Variants in MAP3K8 observed in about 807,000 individuals in gnomAD.
MAP3K8 encodes the protein Ewing sarcoma transformant.
MAP3K8 carries 22 observed loss-of-function variants against 45.8 expected under a neutral mutation model. The ratio of observed to expected loss-of-function variants is 0.48; its 90% CI spans 0.34 to 0.69. MAP3K8 has a LOEUF of 0.69. MAP3K8 is among the 30% of genes least tolerant of loss of function. The pLI, the probability that MAP3K8 is intolerant of heterozygous loss-of-function variation, is 0.01. For synonymous variants in MAP3K8, 223 were observed against 214.3 expected, an observed-to-expected ratio of 1.04 and a Z score of -0.36; for missense variants, 419 against 585.0, an observed-to-expected ratio of 0.72 and a Z score of 2.93.
At chr10:30,456,042 G>C (rs1215990795) in intron 6 of MAP3K8, among the ~76,000 whole-genome samples, 1 of 152,208 alleles carries the variant, frequency 6.6e-6, no homozygotes, top group African/African-American at 2.4e-5. Flanking sequence ...AACCTGCAGA[G>C]CCACCTCTGC....
In MAP3K8 at chr10:30,450,539, T is replaced by C. The variant is rs760080224; in HGVS notation, c.766+20T>C. ...TTAAACGTAAGTATCTTTGGACATA[T>C]ACCTTTTTGGCTCAAAGAGACTAGT... On this transcript the variant is annotated intron_variant, in intron 5 of 8. Transcript: ENST00000263056. 9 of 1,611,790 alleles carry C rather than the reference T, an allele frequency of 5.6e-6. No individual in the cohort carries two copies. Among genetic ancestry groups the C allele is most frequent in the Admixed American group, 3.3e-5 (2 of 59,948 alleles).
intron 6 of MAP3K8, among the ~76,000 whole-genome samples, chr10:30,454,762 T>TTG (rs1836681697): frequency 6.6e-6 from 1 of 152,118 alleles, no homozygotes; most frequent in Non-Finnish European, 1.5e-5. Flanking sequence ...TTTTTTTTTT[T>TTG]TTTAAGAATG....
At position 30,447,829 on chromosome 10, in the gene MAP3K8, C is replaced by G. The variant is rs375673139; in HGVS notation, c.384C>G (p.Leu128=). The G allele has an allele frequency of 1.5e-5, 25 of 1,613,734 alleles. No homozygotes were observed. The East Asian group carries it at 2.0e-4, about 13-fold the overall frequency. ...GTTACCAAATAGATTCCGATGTTCT[C>G]CTGATCCCCTGGAAGCTGACTTACA... ...NGRYQIDSDV[L]LIPWKLTYRN... Residue 128 remains leucine, a synonymous_variant, in exon 4 of 9, where the codon CTC becomes CTG. Coordinates refer to ENST00000263056, the MANE Select transcript of MAP3K8 (RefSeq NM_005204.4).
intron 3 of MAP3K8, among the ~76,000 whole-genome samples, chr10:30,445,895 G>A (rs899366330): frequency 1.3e-5 from 2 of 152,190 alleles, no homozygotes; most frequent in African/African-American, 4.8e-5. Flanking sequence ...ATTAGCAGTG[G>A]TGGAGCTGAC....
At chr10:30,458,275 G>GT (rs1554774894) in intron 7 of MAP3K8, 39 bp downstream of exon 7, 2 of 1,356,006 alleles carry the variant, frequency 1.5e-6, no homozygotes, top group East Asian at 5.5e-5. Context: ...CGGCGGGGGG[G>GT]GGCGTTGAGT....
intron 2 of MAP3K8, among the ~76,000 whole-genome samples, chr10:30,437,616 C>T (rs889940256): frequency 2.6e-5 from 4 of 152,160 alleles, no homozygotes; most frequent in Admixed American, 2.6e-4. Context: ...AGAAAATGAC[C>T]ATCAAGTAAG....
At position 30,434,352 on chromosome 10, in the gene MAP3K8, G is replaced by A; in HGVS notation, c.-281G>A. On this transcript the variant is annotated 5_prime_UTR_variant, in exon 1 of 9. Coordinates refer to ENST00000263056, the MANE Select transcript of MAP3K8 (RefSeq NM_005204.4). ...CGGGGGGCCGCGGCTGGAGCGCTCGGCCGGCGTGGGAGCGCCAAGGCCGCA... is the reference window on the plus strand; with the variant it reads ...CGGGGGGCCGCGGCTGGAGCGCTCGACCGGCGTGGGAGCGCCAAGGCCGCA... 1 of 716,312 alleles carries A rather than the reference G, an allele frequency of 1.4e-6. No individual in the cohort carries two copies. Among genetic ancestry groups the A allele is most frequent in the South Asian group, 6.2e-5 (1 of 16,012 alleles). 44.4% of individuals were successfully genotyped at this position (716,312 alleles called of 1,614,324 possible). A position where few individuals can be genotyped will look rare whatever the true frequency, so the allele number is the denominator to read the frequency against.
intron 1 of MAP3K8, among the ~76,000 whole-genome samples, chr10:30,436,649 A>G (rs57225568): frequency 6.6e-6 from 1 of 151,844 alleles, no homozygotes; most frequent in Non-Finnish European, 1.5e-5. Context: ...AAAACCCCCC[A>G]ATTAAAAAAA....
intron 6 of MAP3K8, among the ~76,000 whole-genome samples, chr10:30,454,816 C>G (rs1836683250): frequency 6.6e-6 from 1 of 150,932 alleles, no homozygotes. Flanking sequence ...AGTGTGAGGT[C>G]TAATAAGACT....
chr10:30,460,590 C>G (rs977866405), intron 8 of MAP3K8, 116 bp from the exon 9 acceptor site: 8 of 790,090 alleles, frequency 1.0e-5, no homozygotes, highest in Non-Finnish European at 1.6e-5. Context: ...ACCCATCTTT[C>G]ACGCTTAAGA....
intron 5 of MAP3K8, among the ~76,000 whole-genome samples, chr10:30,451,164 T>A (rs1423659193): frequency 6.7e-6 from 1 of 149,792 alleles, no homozygotes; most frequent in Admixed American, 6.7e-5. Context: ...GAGAAACAAA[T>A]ACCTTTTTCA....
chr10:30,441,243 G>A (rs1588768262), intron 3 of MAP3K8, among the ~76,000 whole-genome samples: 4 of 151,214 alleles, frequency 2.6e-5, no homozygotes, highest in East Asian at 3.9e-4. Context: ...TGCAATCTCC[G>A]CCTCATGGGT....
chr10:30,442,924 C>T (rs564721547), intron 3 of MAP3K8, among the ~76,000 whole-genome samples: 5 of 152,246 alleles, frequency 3.3e-5, no homozygotes, highest in African/African-American at 1.2e-4. Flanking sequence ...TCATCATCTC[C>T]AATAATTGGT....
intron 3 of MAP3K8, among the ~76,000 whole-genome samples, chr10:30,441,079 A>C (rs1307060618): frequency 6.6e-6 from 1 of 152,222 alleles, no homozygotes; most frequent in African/African-American, 2.4e-5. Context: ...TGTATCAGCA[A>C]AGGGTTTGAG....
Position 30,450,352 on chromosome 10 carries a change from GT to G in MAP3K8, c.600del (p.Glu201LysfsTer25). ...IAELYGAVLW[G>X]ETVHLFMEAG... ...GAGCTGTATGGCGCAGTCCTGTGGG[GT>G]GAAACTGTCCATCTCTTTATGGAAG... On this transcript the variant is annotated frameshift_variant, in exon 5 of 9. Coordinates refer to ENST00000263056, the MANE Select transcript of MAP3K8 (RefSeq NM_005204.4). LOFTEE classifies it high-confidence loss of function. The G allele has an allele frequency of 6.2e-7, 1 of 1,614,134 alleles. No individual in the cohort carries two copies. Among genetic ancestry groups the G allele is most frequent in the Non-Finnish European group, 8.5e-7 (1 of 1,180,014 alleles).
intron 3 of MAP3K8, among the ~76,000 whole-genome samples, chr10:30,443,159 C>G (rs1424627080): frequency 6.6e-6 from 1 of 152,086 alleles, no homozygotes. Flanking sequence ...ATTAAAGTAC[C>G]TGGGTTATGT....
At chr10:30,460,197 G>A (rs564405792) in intron 8 of MAP3K8, among the ~76,000 whole-genome samples, 1 of 152,248 alleles carries the variant, frequency 6.6e-6, no homozygotes, top group East Asian at 1.9e-4. Flanking sequence ...TCATGGCACT[G>A]CCCTGCACAG....
intron 3 of MAP3K8, among the ~76,000 whole-genome samples, chr10:30,440,162 G>C (rs1174716223): frequency 1.3e-5 from 2 of 152,232 alleles, no homozygotes; most frequent in African/African-American, 4.8e-5. Context: ...TAGTAGATCA[G>C]GTGATGTGTT....
chr10:30,447,431 C>A (rs1308441451), intron 3 of MAP3K8, among the ~76,000 whole-genome samples: 1 of 152,180 alleles, frequency 6.6e-6, no homozygotes, highest in Non-Finnish European at 1.5e-5. Context: ...ACAAGTCAAC[C>A]TGCAGGCACG....
Sources: allele counts gnomAD v4.1 joint callset (sites outside exome capture counted in the v4.1 genomes callset), GRCh38; gene constraint gnomAD v4.1.1; transcripts MANE v1.5; gene names NCBI Gene and HGNC (gene_info 2026-07-23, HGNC 2026-07-21).